TMEM176B: variants seen among roughly 807,000 people sequenced by gnomAD.
TMEM176B encodes the protein transmembrane protein 176B.
In TMEM176B, 28 loss-of-function variants were observed where a neutral mutation model predicts 30.3. The ratio of observed to expected loss-of-function variants is 0.92; its 90% confidence interval spans 0.68 to 1.27. TMEM176B has a LOEUF of 1.27. Ranked by LOEUF, TMEM176B falls within the 50% of genes most tolerant of loss-of-function variation. The pLI, the probability that TMEM176B is intolerant of heterozygous loss-of-function variation, is 0.00. For synonymous variants in TMEM176B, 123 were observed against 130.3 expected, an observed-to-expected ratio of 0.94 and a Z score of 0.38; for missense variants, 349 against 327.4, an observed-to-expected ratio of 1.07 and a Z score of -0.51.
upstream of TMEM176B, chr7:150,801,349 A>T: frequency 2.1e-6 from 1 of 481,368 alleles, no homozygotes; most frequent in Non-Finnish European, 3.4e-6. Context: ...CCGCAGTTCC[A>T]GCATGGTCAG....
rs752132872 is a variant in TMEM176B at position 150,793,276 on chromosome 7, T to C, written c.412A>G (p.Thr138Ala). The C allele has an allele frequency of 1.2e-6, 2 of 1,613,984 alleles. No homozygotes were observed. The highest frequency in any genetic ancestry group is 2.7e-5 in the African/African-American group (2 of 74,874). Residue 138 changes from threonine to alanine, a missense_variant, in exon 5 of 7, where the codon ACA (threonine) becomes GCA (alanine). Transcript: ENST00000326442. ...SSLLTLAGFA[T>A]AMAAVVLCVN... ...CAGAGGACAACAGCAGCCATAGCTGTAGCAAAGCCTGCCAGGGTGAGCAGG... is the reference window on the plus strand; with the variant it reads ...CAGAGGACAACAGCAGCCATAGCTGCAGCAAAGCCTGCCAGGGTGAGCAGG...
At position 150,793,584 on chromosome 7, in the gene TMEM176B, G is replaced by A. The variant is rs765589243; in HGVS notation, c.332C>T (p.Ala111Val). 1.2e-6 allele frequency: 2 copies of A among 1,613,460 alleles called. No homozygotes were observed. The highest frequency in any genetic ancestry group is 1.7e-6 in the Non-Finnish European group (2 of 1,179,808). ...GTGCTTCTCATGGACAATGGCCCCA[G>A]CTCCTGCTGCGATCACCTGAAAAGA... Reference protein sequence around the residue: ...WAGSVVIAAGAGAIVHEKHPG... With the variant: ...WAGSVVIAAGVGAIVHEKHPG... Residue 111 changes from alanine (A) to valine (V), a missense_variant, in exon 4 of 7, where the codon GCT (alanine) becomes GTT (valine). Transcript: ENST00000326442.
intron 4 of TMEM176B, 46 bp from the exon 5 acceptor site, chr7:150,793,361 AAG>A: frequency 6.3e-7 from 1 of 1,575,446 alleles, no homozygotes; most frequent in East Asian, 2.3e-5. Flanking sequence ...CAATCGGTGG[AAG>A]AGTCATGAGG....
Position 150,794,057 on chromosome 7 carries a change from C to T in TMEM176B, c.219G>A (p.Leu73=), listed in dbSNP as rs1297049585. ...CAAGAACACAACTCACAACCCCCAG[C>T]AATATCTGAGTCACCTGCAAGACAG... The part of the protein sequence containing the change: ...EQLALGVTQI[L]LGVVSCVLGV... Residue 73 remains leucine, a synonymous_variant, in exon 3 of 7, where the codon TTG becomes TTA. Transcript: ENST00000326442. The T allele has an allele frequency of 1.2e-6, 2 of 1,613,496 alleles. No homozygotes were observed. The highest frequency in any genetic ancestry group is 1.7e-5 in the Admixed American group (1 of 59,946).
chr7:150,799,807 C>T (rs1798692203), intron 1 of TMEM176B, among the ~76,000 whole-genome samples: 1 of 152,246 alleles, frequency 6.6e-6, no homozygotes, highest in African/African-American at 2.4e-5. Context: ...CCACGCCAAC[C>T]CCTAGATCTG....
At chr7:150,798,161 A>C (rs1393064477) in intron 1 of TMEM176B, among the ~76,000 whole-genome samples, 1 of 152,178 alleles carries the variant, frequency 6.6e-6, no homozygotes, top group Non-Finnish European at 1.5e-5. Context: ...ACATTCCCTA[A>C]AGCCCCTCCC....
At chr7:150,799,828 G>A (rs979338824) in intron 1 of TMEM176B, among the ~76,000 whole-genome samples, 2 of 151,944 alleles carry the variant, frequency 1.3e-5, no homozygotes, top group Non-Finnish European at 2.9e-5. Context: ...CCTCGCCCCC[G>A]CCTGAAGAGT....
rs1388178481 is a variant in TMEM176B at position 150,793,616 on chromosome 7, A to G, written c.316-16T>C. 6.2e-7 allele frequency: 1 copy of G among 1,612,474 alleles called. No individual in the cohort carries two copies. The highest frequency in any genetic ancestry group is 1.3e-5 in the African/African-American group (1 of 74,896). ...CTGCGATCACCTGAAAAGAGACACC[A>G]GAAAAAGGCCTCCAGTTTACTCTTC... On this transcript the variant is annotated splice_polypyrimidine_tract_variant and intron_variant, in intron 3 of 6. Coordinates refer to ENST00000326442, the MANE Select transcript of TMEM176B (RefSeq NM_001101312.2).
upstream of TMEM176B, chr7:150,801,002 G>T: frequency 1.0e-6 from 1 of 985,720 alleles, no homozygotes; most frequent in Non-Finnish European, 1.2e-6. Context: ...CCTCCGCACC[G>T]CAGCGCGGTC....
intron 1 of TMEM176B, among the ~76,000 whole-genome samples, chr7:150,799,849 C>A (rs1226429715): frequency 6.6e-6 from 1 of 152,212 alleles, no homozygotes; most frequent in East Asian, 1.9e-4. Flanking sequence ...CGGATCTGAA[C>A]CAGGCCGGCA....
chr7:150,794,115 C>T (rs750449801), intron 2 of TMEM176B, 44 bp from the exon 3 acceptor site: 2 of 1,521,042 alleles, frequency 1.3e-6, no homozygotes, highest in East Asian at 4.5e-5. Flanking sequence ...CGTGAGTCCA[C>T]ATGCCCCGGC....
chr7:150,801,104 A>G, upstream of TMEM176B: 1 of 550,202 alleles, frequency 1.8e-6, no homozygotes. Context: ...GGGTATCCGG[A>G]GCGCAGCCGG....
chr7:150,794,163 C>A, intron 2 of TMEM176B, 92 bp from the exon 3 acceptor site: 2 of 854,426 alleles, frequency 2.3e-6, no homozygotes, highest in Non-Finnish European at 3.8e-6. Context: ...ACCTAGGTGG[C>A]TCTCCTCTCC....
chr7:150,797,657 C>A (rs981417603), intron 1 of TMEM176B, among the ~76,000 whole-genome samples: 1 of 152,050 alleles, frequency 6.6e-6, no homozygotes, highest in Non-Finnish European at 1.5e-5. Context: ...GACTTTTGTT[C>A]CCAGGTTATT....
chr7:150,796,107 C>T (rs1017264238), intron 2 of TMEM176B, among the ~76,000 whole-genome samples: 3 of 152,150 alleles, frequency 2.0e-5, no homozygotes, highest in East Asian at 3.9e-4. Context: ...CCATCGCTCA[C>T]CCATCAGAGC....
At chr7:150,791,761 A>AAAT in intron 6 of TMEM176B, 138 bp from the exon 7 acceptor site, 1 of 896,952 alleles carries the variant, frequency 1.1e-6, no homozygotes, top group Non-Finnish European at 1.7e-6. Context: ...GCAAAAAAAA[A>AAAT]ACAAGGTGGC....
chr7:150,792,046 G>A lies in TMEM176B; in HGVS notation c.720+10C>T, dbSNP rs368914181. 49 of 1,612,912 alleles carry A rather than the reference G, an allele frequency of 3.0e-5. No homozygotes were observed. In the East Asian group the frequency reaches 3.6e-4, roughly 12 times the overall value. ...TCACGCTGCCCAGAGGCCCCTCCCC[G>A]ACAACTCACCAGGGGCTGGGAGCTC... On this transcript the variant is annotated intron_variant, in intron 6 of 6. Coordinates refer to ENST00000326442, the MANE Select transcript of TMEM176B (RefSeq NM_001101312.2).
Position 150,792,168 on chromosome 7 carries a change from A to C in TMEM176B, c.608T>G (p.Phe203Cys). 6.2e-7 allele frequency: 1 copy of C among 1,613,612 alleles called. No homozygotes were observed. Among genetic ancestry groups the C allele is most frequent in the Non-Finnish European group, 8.5e-7 (1 of 1,179,726 alleles). The change falls in exon 6 of 7, where the codon TTC (phenylalanine) becomes TGC (cysteine). Residue 203 changes from phenylalanine to cysteine, a missense_variant. Coordinates refer to ENST00000326442, the MANE Select transcript of TMEM176B (RefSeq NM_001101312.2). The part of the protein sequence containing the change: ...RAYMQMLRKL[F>C]TAIRALFLAV... The stretch of plus-strand genomic sequence containing the variant: ...CAGGAACAGGGCACGGATTGCTGTG[A>C]ACAACTTCTGGAGATAAGGGAAGAA...
chr7:150,794,907 CCACACACACACACACACACACA>C (rs3220239), intron 2 of TMEM176B, among the ~76,000 whole-genome samples: 1 of 141,592 alleles, frequency 7.1e-6, no homozygotes, highest in East Asian at 2.1e-4. Context: ...TCCCCTACTA[CCACACACACACACACACACACA>C]CACACACACA....
Sources: allele counts gnomAD v4.1 joint callset (sites outside exome capture counted in the v4.1 genomes callset), GRCh38; gene constraint gnomAD v4.1.1; transcripts MANE v1.5; gene names NCBI Gene and HGNC (gene_info 2026-07-23, HGNC 2026-07-21).